Variants in FOXP1 observed in about 807,000 individuals in gnomAD.
The protein encoded by FOXP1 is forkhead box protein P1.
A neutral mutation model predicts 98.2 loss-of-function variants in FOXP1; 15 were observed. The ratio of observed to expected loss-of-function variants is 0.15; its 90% CI spans 0.10 to 0.24. The LOEUF (loss-of-function observed/expected upper bound fraction) is 0.24. Among genes scored for constraint, FOXP1 ranks in the 10% least tolerant of loss-of-function variants. The pLI is 1.00. For synonymous variants in FOXP1, 371 were observed against 314.5 expected (o/e 1.18, Z -1.90); for missense variants, 633 against 848.5 (o/e 0.75, Z 3.15).
intron 2 of FOXP1, among the ~76,000 whole-genome samples, chr3:71,550,301 T>C (rs933253123): frequency 7.9e-5 from 12 of 152,196 alleles, no homozygotes; most frequent in African/African-American, 2.4e-4. Flanking sequence ...CAAAACCACG[T>C]AGGTCTCAAT....
chr3:71,430,504 G>T (rs1340046411), intron 3 of FOXP1, among the ~76,000 whole-genome samples: 1 of 148,324 alleles, frequency 6.7e-6, no homozygotes, highest in African/African-American at 2.5e-5. Context: ...AGTTCAAGAG[G>T]AAAGAAAGAA....
At position 71,418,935 on chromosome 3, in the gene FOXP1, C is replaced by CAA. The variant is rs34398058; in HGVS notation, c.-167-59693_-167-59692dup. Among the ~76,000 whole-genome samples, 269 of 108,578 alleles carry CAA rather than the reference C, an allele frequency of 2.5e-3. 3 individuals are homozygous for CAA. Among genetic ancestry groups the CAA allele is most frequent in the African/African-American group, 2.9e-3 (81 of 28,064 alleles). The allele number at this position is 108,578 out of a possible 152,430, so 71.2% of individuals were successfully genotyped here. ...TCTGCAATATATGAAAGACCGGTCT[C>CAA]AAAAAAAAAAAAAAAAAGCCGGGTG... On this transcript the variant is annotated intron_variant, in intron 3 of 20. Coordinates refer to ENST00000649528, the MANE Select transcript of FOXP1 (RefSeq NM_001349338.3).
intron 5 of FOXP1, among the ~76,000 whole-genome samples, chr3:71,265,702 G>A (rs1364817144): frequency 6.6e-6 from 1 of 152,172 alleles, no homozygotes; most frequent in Non-Finnish European, 1.5e-5. Context: ...CATGTTCACG[G>A]TGCAGTGATA....
At chr3:71,426,903 A>C (rs1045154274) in intron 3 of FOXP1, among the ~76,000 whole-genome samples, 1 of 152,070 alleles carries the variant, frequency 6.6e-6, no homozygotes, top group Admixed American at 6.5e-5. Flanking sequence ...TCTACTAAAA[A>C]TACAAAAATT....
intron 3 of FOXP1, among the ~76,000 whole-genome samples, chr3:71,395,227 T>C (rs1029705816): frequency 2.0e-5 from 3 of 151,424 alleles, no homozygotes; most frequent in Non-Finnish European, 4.4e-5. Flanking sequence ...AACAGATTCC[T>C]AGTTCCCTTT....
At chr3:70,979,671 T>C (rs78365390) in intron 14 of FOXP1, among the ~76,000 whole-genome samples, 2,953 of 152,198 alleles carry the variant, frequency 0.019, 46 homozygotes, top group Middle Eastern at 0.044. Flanking sequence ...AAGGCAGTAT[T>C]TGTGGAAGGT....
intron 2 of FOXP1, among the ~76,000 whole-genome samples, chr3:71,496,961 A>AGTGTGTGTGTGTGTGTGT (rs148821144): frequency 0.044 from 6,586 of 149,324 alleles, 197 homozygotes; most frequent in Non-Finnish European, 0.056. Flanking sequence ...GGTGTGTGGA[A>AGTGTGTGTGTGTGTGTGT]GTGTGTGTGT....
At chr3:71,051,728 A>G (rs1270665097) in intron 9 of FOXP1, among the ~76,000 whole-genome samples, 3 of 152,218 alleles carry the variant, frequency 2.0e-5, no homozygotes, top group Admixed American at 1.3e-4. Context: ...GAAAGATGTC[A>G]TAATAACGCA....
At chr3:70,963,262 G>C (rs1301992658) in intron 20 of FOXP1, among the ~76,000 whole-genome samples, 1 of 152,172 alleles carries the variant, frequency 6.6e-6, no homozygotes, top group African/African-American at 2.4e-5. Flanking sequence ...GTGACCACCT[G>C]ATGACACAAC....
intron 7 of FOXP1, among the ~76,000 whole-genome samples, chr3:71,111,573 T>C (rs919709493): frequency 1.3e-5 from 2 of 151,864 alleles, no homozygotes; most frequent in African/African-American, 2.4e-5. Context: ...AACTTTTGTA[T>C]TTTTTGGTAG....
chr3:71,351,007 G>A (rs566594651), intron 4 of FOXP1, among the ~76,000 whole-genome samples: 3 of 152,266 alleles, frequency 2.0e-5, no homozygotes, highest in Admixed American at 2.0e-4. Context: ...CGAAAGGCAT[G>A]TGGCACACAC....
chr3:71,493,236 T>A (rs1234624324), intron 3 of FOXP1, among the ~76,000 whole-genome samples, 190 bp downstream of exon 3: 2 of 152,144 alleles, frequency 1.3e-5, no homozygotes, highest in East Asian at 3.8e-4. Context: ...TTATCCTATG[T>A]CCTATTATGC....
intron 3 of FOXP1, among the ~76,000 whole-genome samples, chr3:71,377,169 A>C (rs2079783399): frequency 6.6e-6 from 1 of 152,202 alleles, no homozygotes; most frequent in East Asian, 1.9e-4. Context: ...AAATTCTGTC[A>C]TACATGTGAA....
At chr3:71,211,426 C>T (rs1240551919) in intron 5 of FOXP1, among the ~76,000 whole-genome samples, 1 of 151,938 alleles carries the variant, frequency 6.6e-6, no homozygotes. Context: ...AGCTGGTCTC[C>T]AACTCCTGAC....
intron 2 of FOXP1, among the ~76,000 whole-genome samples, chr3:71,556,597 A>C (rs2046156078): frequency 6.6e-6 from 1 of 151,264 alleles, no homozygotes; most frequent in African/African-American, 2.4e-5. Context: ...AAAAAAAAAA[A>C]AAAAAATCTA....
chr3:71,032,779 C>T (rs2047045028), intron 11 of FOXP1, among the ~76,000 whole-genome samples: 1 of 152,096 alleles, frequency 6.6e-6, no homozygotes, highest in Non-Finnish European at 1.5e-5. Flanking sequence ...CAGCATAGGT[C>T]CCCCCTTCAT....
At chr3:71,053,552 T>C (rs1442152296) in intron 8 of FOXP1, 84 bp downstream of exon 8, 53 of 1,545,768 alleles carry the variant, frequency 3.4e-5, no homozygotes, top group Non-Finnish European at 4.5e-5. Flanking sequence ...GGAGCTGCTC[T>C]GGTGGAGGGG....
At chr3:71,558,586 C>G (rs1163006716) in intron 2 of FOXP1, among the ~76,000 whole-genome samples, 1 of 151,686 alleles carries the variant, frequency 6.6e-6, no homozygotes, top group Non-Finnish European at 1.5e-5. Flanking sequence ...CCTCCGCCTC[C>G]GGGATTCAAG....
intron 3 of FOXP1, among the ~76,000 whole-genome samples, chr3:71,450,836 C>T (rs1306699040): frequency 1.3e-5 from 2 of 151,636 alleles, no homozygotes; most frequent in African/African-American, 4.8e-5. Context: ...AGTAATTTCT[C>T]CCTCCTGCCT....
Sources: gnomAD v4.1 joint callset for allele counts (sites outside exome capture counted in the v4.1 genomes callset) on GRCh38, gnomAD v4.1.1 for gene constraint, MANE v1.5 for transcripts, NCBI Gene and HGNC (gene_info 2026-07-23, HGNC 2026-07-21) for gene names.